The following IQGAP2 variants were observed in gnomAD, a reference collection of about 807,000 sequenced individuals.
IQGAP2 encodes ras GTPase-activating-like protein IQGAP2.
A neutral mutation model predicts 201.3 loss-of-function variants in IQGAP2; 173 were observed. The ratio of observed to expected loss-of-function variants is 0.86; its 90% CI spans 0.76 to 0.98. IQGAP2 has a LOEUF of 0.98. Among genes scored for constraint, IQGAP2 ranks in the 50% least tolerant of loss-of-function variants. IQGAP2 has a pLI of 0.00. For missense variants in IQGAP2, 1,687 were observed against 1,864.8 expected (o/e 0.90, Z 1.76); for synonymous variants, 675 against 673.9 (o/e 1.00, Z -0.03).
rs546918498 is a variant in IQGAP2 at position 76,451,927 on chromosome 5, C to T, written c.47-9643C>T. Among the ~76,000 whole-genome samples, 3 of 152,240 alleles carry T rather than the reference C, an allele frequency of 2.0e-5. No homozygotes were observed. The East Asian group carries it at 5.8e-4, about 29-fold the overall frequency. ...TGATGTGTGCCTGTAATCCCAGCTA[C>T]TTGGGAGGCTGAGGCATGAGAATGG... On this transcript the variant is annotated intron_variant, in intron 1 of 35. Transcript: ENST00000274364.
intron 1 of IQGAP2, among the ~76,000 whole-genome samples, chr5:76,408,924 C>G (rs1479146975): frequency 6.6e-6 from 1 of 152,066 alleles, no homozygotes; most frequent in African/African-American, 2.4e-5. Flanking sequence ...TCCCAAGTAG[C>G]TGGGACTACA....
intron 2 of IQGAP2, among the ~76,000 whole-genome samples, chr5:76,509,980 C>G (rs1482407566): frequency 2.4e-5 from 2 of 81,694 alleles, no homozygotes; most frequent in African/African-American, 1.2e-4. Context: ...GATTAATTTT[C>G]TTTCTTTTTT....
chr5:76,406,555 G>T (rs1407740042), intron 1 of IQGAP2, among the ~76,000 whole-genome samples: 1 of 152,232 alleles, frequency 6.6e-6, no homozygotes, highest in African/African-American at 2.4e-5. Flanking sequence ...ACCAAATTAA[G>T]ATGACACTTA....
intron 22 of IQGAP2, among the ~76,000 whole-genome samples, chr5:76,666,086 C>T (rs965218880): frequency 2.6e-5 from 4 of 152,142 alleles, no homozygotes; most frequent in East Asian, 1.9e-4. Context: ...AAATAAGAGG[C>T]GTGGCTAACC....
At position 76,549,438 on chromosome 5, in the gene IQGAP2, A is replaced by G. The variant is rs528768736; in HGVS notation, c.147-12958A>G. Among the ~76,000 whole-genome samples the G allele has an allele frequency of 5.9e-5, 9 of 151,870 alleles. No homozygotes were observed. In the South Asian group the frequency reaches 1.9e-3, roughly 32 times the overall value. On this transcript the variant is annotated intron_variant, in intron 2 of 35. Coordinates refer to ENST00000274364, the MANE Select transcript of IQGAP2 (RefSeq NM_006633.5). ...TCTAACTGAGTGAGCCAGTCAAACTAATAAGTATTATATCTAGTCTGCCAG... is the reference window on the plus strand; with the variant it reads ...TCTAACTGAGTGAGCCAGTCAAACTGATAAGTATTATATCTAGTCTGCCAG...
At chr5:76,553,602 G>GCTTCTT (rs1165606741) in intron 2 of IQGAP2, among the ~76,000 whole-genome samples, 2 of 152,142 alleles carry the variant, frequency 1.3e-5, no homozygotes. Context: ...TTGTGGGGTG[G>GCTTCTT]TTTCTTTTTC....
intron 2 of IQGAP2, among the ~76,000 whole-genome samples, chr5:76,526,950 A>G (rs1384256944): frequency 2.0e-5 from 3 of 152,196 alleles, no homozygotes; most frequent in Non-Finnish European, 4.4e-5. Context: ...GTGTCTGTGC[A>G]TGATGCTGGG....
chr5:76,429,593 T>C (rs1290839539), intron 1 of IQGAP2, among the ~76,000 whole-genome samples: 4 of 127,722 alleles, frequency 3.1e-5, no homozygotes, highest in Non-Finnish European at 5.3e-5. Context: ...TATATATATA[T>C]ATATGTATAT....
At chr5:76,549,214 C>T (rs991908935) in intron 2 of IQGAP2, among the ~76,000 whole-genome samples, 2 of 151,970 alleles carry the variant, frequency 1.3e-5, no homozygotes, top group African/African-American at 4.8e-5. Context: ...CTATTATTAT[C>T]CCATTTTGTA....
chr5:76,516,251 A>G (rs1347570648), intron 2 of IQGAP2, among the ~76,000 whole-genome samples: 1 of 152,208 alleles, frequency 6.6e-6, no homozygotes, highest in Non-Finnish European at 1.5e-5. Context: ...AGTTGACTAT[A>G]AACTTAATAT....
intron 5 of IQGAP2, among the ~76,000 whole-genome samples, chr5:76,586,642 G>A (rs1382825316): frequency 6.6e-6 from 1 of 152,224 alleles, no homozygotes; most frequent in African/African-American, 2.4e-5. Flanking sequence ...GCATTCAGAT[G>A]TATTCGTGGT....
intron 11 of IQGAP2, among the ~76,000 whole-genome samples, chr5:76,603,034 C>T (rs1008883340): frequency 6.6e-6 from 1 of 152,176 alleles, no homozygotes; most frequent in African/African-American, 2.4e-5. Flanking sequence ...ATTCATAATT[C>T]TGTTTGATTG....
chr5:76,618,671 A>C, intron 13 of IQGAP2: 1 of 1,521,918 alleles, frequency 6.6e-7, no homozygotes. Flanking sequence ...ATTAACATAA[A>C]TGTATAGTTC....
chr5:76,587,639 T>C (rs1178671225), intron 5 of IQGAP2, among the ~76,000 whole-genome samples: 1 of 152,204 alleles, frequency 6.6e-6, no homozygotes, highest in African/African-American at 2.4e-5. Context: ...CTTTTCTAAA[T>C]AATTGCTCTT....
chr5:76,429,925 T>G (rs1052629423), intron 1 of IQGAP2, among the ~76,000 whole-genome samples: 7 of 151,622 alleles, frequency 4.6e-5, no homozygotes, highest in African/African-American at 1.7e-4. Flanking sequence ...ATTTAGGACA[T>G]TTTTTAGTTT....
intron 17 of IQGAP2, among the ~76,000 whole-genome samples, chr5:76,645,794 A>G (rs1751990280): frequency 6.6e-6 from 1 of 151,216 alleles, no homozygotes; most frequent in African/African-American, 2.4e-5. Context: ...CATAATAATG[A>G]GCTCTCAAGG....
chr5:76,657,341 C>G (rs552010027), intron 20 of IQGAP2, among the ~76,000 whole-genome samples: 1 of 152,112 alleles, frequency 6.6e-6, no homozygotes, highest in African/African-American at 2.4e-5. Flanking sequence ...GTGGCAGCAT[C>G]TTTGCTGGAA....
chr5:76,599,405 A>G (rs927337210), intron 10 of IQGAP2, among the ~76,000 whole-genome samples: 1 of 152,204 alleles, frequency 6.6e-6, no homozygotes, highest in African/African-American at 2.4e-5. Context: ...TCAACTGGCC[A>G]TAGTTAACCT....
chr5:76,540,181 C>T (rs1476258906), intron 2 of IQGAP2, among the ~76,000 whole-genome samples: 1 of 152,192 alleles, frequency 6.6e-6, no homozygotes, highest in Non-Finnish European at 1.5e-5. Context: ...GCTTCCTCTT[C>T]ATATTCACCT....
Sources: gnomAD v4.1 joint callset for allele counts (sites outside exome capture counted in the v4.1 genomes callset) on GRCh38, gnomAD v4.1.1 for gene constraint, MANE v1.5 for transcripts, NCBI Gene and HGNC (gene_info 2026-07-23, HGNC 2026-07-21) for gene names.